VEPH1: variants seen among roughly 807,000 people sequenced by gnomAD.
VEPH1 encodes the protein ventricular zone expressed PH domain containing 1.
A neutral mutation model predicts 85.2 loss-of-function variants in VEPH1; 80 were observed. The ratio of observed to expected loss-of-function variants is 0.94; its 90% CI spans 0.78 to 1.13. VEPH1 has a LOEUF of 1.13. Ranked by LOEUF, VEPH1 falls within the 50% of genes most tolerant of loss-of-function variation. The pLI is 0.00. For synonymous variants in VEPH1, 297 were observed against 348.0 expected (o/e 0.85, Z 1.63); for missense variants, 955 against 980.5 (o/e 0.97, Z 0.35).
chr3:157,445,743 C>T (rs753407408), intron 4 of VEPH1, among the ~76,000 whole-genome samples: 16 of 152,160 alleles, frequency 1.1e-4, no homozygotes, highest in Non-Finnish European at 2.9e-5. Context: ...GAGCCAAGAT[C>T]GCACCACTGC....
intron 5 of VEPH1, among the ~76,000 whole-genome samples, chr3:157,416,799 A>G (rs1218035542): frequency 6.6e-6 from 1 of 152,100 alleles, no homozygotes; most frequent in Admixed American, 6.6e-5. Flanking sequence ...GAAATAAAGA[A>G]AGAGAGAAAG....
chr3:157,292,694 A>G (rs1442520852), intron 11 of VEPH1, among the ~76,000 whole-genome samples: 2 of 150,316 alleles, frequency 1.3e-5, no homozygotes, highest in Non-Finnish European at 3.0e-5. Flanking sequence ...CTAAAAAAAG[A>G]AAAAAGAGGC....
At chr3:157,486,325 G>T (rs1038173511) in intron 2 of VEPH1, among the ~76,000 whole-genome samples, 13 of 151,876 alleles carry the variant, frequency 8.6e-5, no homozygotes, top group Non-Finnish European at 1.8e-4. Flanking sequence ...GTGAAACCCC[G>T]TCTATACTGA....
chr3:157,378,306 G>GTA (rs56800722), intron 7 of VEPH1, among the ~76,000 whole-genome samples: 39 of 94,616 alleles, frequency 4.1e-4, no homozygotes, highest in South Asian at 7.8e-4. Flanking sequence ...TTTTTGAATG[G>GTA]TATATATATA....
chr3:157,494,362 G>T (rs1377874832), intron 2 of VEPH1, among the ~76,000 whole-genome samples: 1 of 152,202 alleles, frequency 6.6e-6, no homozygotes, highest in Non-Finnish European at 1.5e-5. Context: ...ACACTGCTGA[G>T]CTGGGAGGAT....
At chr3:157,486,467 C>T (rs1577789424) in intron 2 of VEPH1, among the ~76,000 whole-genome samples, 1 of 135,608 alleles carries the variant, frequency 7.4e-6, no homozygotes, top group Admixed American at 8.1e-5. Context: ...CTGCACTCGA[C>T]AGAGCAAGAC....
At chr3:157,451,039 A>G (rs1336873204) in intron 4 of VEPH1, among the ~76,000 whole-genome samples, 1 of 152,158 alleles carries the variant, frequency 6.6e-6, no homozygotes, top group African/African-American at 2.4e-5. Flanking sequence ...TATTTCTCAT[A>G]CTGTCCTTGT....
At chr3:157,492,315 A>ATTG (rs1739287620) in intron 2 of VEPH1, among the ~76,000 whole-genome samples, 1 of 152,216 alleles carries the variant, frequency 6.6e-6, no homozygotes, top group East Asian at 1.9e-4. Flanking sequence ...CGTACGAGTT[A>ATTG]TAATTTTCAT....
intron 6 of VEPH1, among the ~76,000 whole-genome samples, chr3:157,391,640 A>C (rs1173941475): frequency 1.3e-5 from 2 of 152,240 alleles, no homozygotes; most frequent in Non-Finnish European, 2.9e-5. Flanking sequence ...AGAAGGAGAA[A>C]AAGTAAAACA....
intron 11 of VEPH1, among the ~76,000 whole-genome samples, chr3:157,296,596 G>C (rs930291136): frequency 5.9e-5 from 9 of 152,166 alleles, no homozygotes; most frequent in African/African-American, 1.7e-4. Flanking sequence ...CAGGTCTAAA[G>C]TACTAAGTGT....
chr3:157,458,260 T>A (rs1295021991), intron 4 of VEPH1, among the ~76,000 whole-genome samples: 1 of 152,142 alleles, frequency 6.6e-6, no homozygotes, highest in African/African-American at 2.4e-5. Flanking sequence ...ATTACCTTCT[T>A]TATTAGTCTA....
At chr3:157,437,526 C>T (rs746941979) in intron 4 of VEPH1, 5 of 1,606,064 alleles carry the variant, frequency 3.1e-6, no homozygotes, top group Middle Eastern at 1.9e-4. Flanking sequence ...CGCCGTGCGC[C>T]TGCGGTCAGG....
At chr3:157,270,409 A>C (rs550484520) in intron 12 of VEPH1, among the ~76,000 whole-genome samples, 1 of 152,332 alleles carries the variant, frequency 6.6e-6, no homozygotes, top group Non-Finnish European at 1.5e-5. Context: ...TGGGTTATTA[A>C]ACTGAATTTT....
intron 4 of VEPH1, among the ~76,000 whole-genome samples, chr3:157,437,237 T>C (rs1389402429): frequency 6.6e-6 from 1 of 152,202 alleles, no homozygotes; most frequent in Admixed American, 6.5e-5. Context: ...TTCTGTAACG[T>C]ACATAATGGG....
At chr3:157,460,051 G>A (rs1467804176) in intron 4 of VEPH1, 130 bp downstream of exon 4, 2 of 1,590,848 alleles carry the variant, frequency 1.3e-6, no homozygotes, top group Non-Finnish European at 1.7e-6. Flanking sequence ...AGGTCAACTG[G>A]CAGCAAAACA....
intron 6 of VEPH1, among the ~76,000 whole-genome samples, chr3:157,391,697 C>A (rs1729869502): frequency 6.6e-6 from 1 of 151,828 alleles, no homozygotes; most frequent in Non-Finnish European, 1.5e-5. Context: ...CTTTCCTAAT[C>A]TTGCTAGAGA....
intron 6 of VEPH1, among the ~76,000 whole-genome samples, chr3:157,386,412 G>A (rs1037985991): frequency 9.2e-5 from 14 of 152,068 alleles, no homozygotes; most frequent in Non-Finnish European, 1.6e-4. Context: ...AACTTAAGAA[G>A]ATGTGTACTC....
intron 2 of VEPH1, 66 bp from the exon 3 acceptor site, chr3:157,470,595 A>G: frequency 6.7e-7 from 1 of 1,486,048 alleles, no homozygotes; most frequent in Non-Finnish European, 9.4e-7. Context: ...AGGACAAAAT[A>G]CTAACTCAGT....
intron 3 of VEPH1, 140 bp from the exon 4 acceptor site, chr3:157,460,495 GTATTTGGGAATTC>G: frequency 8.7e-7 from 1 of 1,152,452 alleles, no homozygotes. Flanking sequence ...TGTTTATATT[GTATTTGGGAATTC>G]TGGGAACTCT....
Sources: allele counts gnomAD v4.1 joint callset (sites outside exome capture counted in the v4.1 genomes callset), GRCh38; gene constraint gnomAD v4.1.1; transcripts MANE v1.5; gene names NCBI Gene and HGNC (gene_info 2026-07-23, HGNC 2026-07-21).